The following IGSF21 variants were observed in gnomAD, a reference collection of about 807,000 sequenced individuals.
The protein encoded by IGSF21 is immunoglobin superfamily member 21.
In IGSF21, 28 loss-of-function variants were observed where a neutral mutation model predicts 46.8. The ratio of observed to expected loss-of-function variants is 0.60; its 90% CI spans 0.44 to 0.82. IGSF21 has a LOEUF of 0.82. Among genes scored for constraint, IGSF21 ranks in the 40% least tolerant of loss-of-function variants. The probability of loss-of-function intolerance (pLI) is 0.00; values close to 1 mark genes in which losing one functional copy is unlikely to be tolerated. For synonymous variants in IGSF21, 284 were observed against 273.6 expected, an observed-to-expected ratio of 1.04 and a Z score of -0.38; for missense variants, 624 against 665.5, an observed-to-expected ratio of 0.94 and a Z score of 0.69.
chr1:18,170,921 T>A (rs1048977317), intron 1 of IGSF21, among the ~76,000 whole-genome samples: 3 of 152,064 alleles, frequency 2.0e-5, no homozygotes, highest in African/African-American at 7.2e-5. Context: ...CAGGTGGACT[T>A]AAGAGGGTCA....
intron 2 of IGSF21, among the ~76,000 whole-genome samples, chr1:18,232,397 A>G (rs2084637053): frequency 1.3e-5 from 2 of 152,170 alleles, no homozygotes; most frequent in African/African-American, 4.8e-5. Flanking sequence ...AATGCTGCTT[A>G]TACTAATTTG....
chr1:18,344,392 C>A (rs535072557), intron 4 of IGSF21, among the ~76,000 whole-genome samples: 157 of 152,206 alleles, frequency 1.0e-3, no homozygotes, highest in Non-Finnish European at 1.7e-3. Context: ...CTGGAAGAAC[C>A]TCTTTTGACT....
At chr1:18,230,663 T>A (rs1351422063) in intron 2 of IGSF21, among the ~76,000 whole-genome samples, 1 of 152,060 alleles carries the variant, frequency 6.6e-6, no homozygotes, top group East Asian at 1.9e-4. Context: ...GGGCTCCGTG[T>A]GGCCAGTTTT....
chr1:18,245,304 T>C (rs1258596192), intron 2 of IGSF21, among the ~76,000 whole-genome samples: 1 of 152,238 alleles, frequency 6.6e-6, no homozygotes, highest in Admixed American at 6.5e-5. Flanking sequence ...AATAATCATA[T>C]GGTTTTTCTC....
intron 1 of IGSF21, among the ~76,000 whole-genome samples, chr1:18,213,982 A>G (rs938186409): frequency 1.3e-5 from 2 of 152,200 alleles, no homozygotes; most frequent in Non-Finnish European, 2.9e-5. Context: ...AAAAATGACC[A>G]ACATTAGCTT....
intron 1 of IGSF21, chr1:18,111,996 C>T (rs1242199006): frequency 6.6e-6 from 1 of 152,290 alleles, no homozygotes; most frequent in Non-Finnish European, 1.5e-5. Context: ...AACTTCACTA[C>T]ACTCTGGCAA....
At chr1:18,128,062 A>G (rs1371392585) in intron 1 of IGSF21, among the ~76,000 whole-genome samples, 1 of 152,180 alleles carries the variant, frequency 6.6e-6, no homozygotes, top group Non-Finnish European at 1.5e-5. Context: ...CTTGGATATT[A>G]TTATTATTGT....
chr1:18,377,038 G>T (rs752720789), intron 8 of IGSF21, 46 bp downstream of exon 8: 1 of 1,541,594 alleles, frequency 6.5e-7, no homozygotes, highest in Non-Finnish European at 8.8e-7. Context: ...CACAGGGGCG[G>T]GTCCTGTCTG....
At chr1:18,303,758 G>A (rs936822883) in intron 3 of IGSF21, among the ~76,000 whole-genome samples, 4 of 152,172 alleles carry the variant, frequency 2.6e-5, no homozygotes, top group African/African-American at 4.8e-5. Flanking sequence ...CATTCCCAGG[G>A]CTATGCTAGC....
chr1:18,152,919 G>T (rs889676047), intron 1 of IGSF21, among the ~76,000 whole-genome samples: 1 of 152,180 alleles, frequency 6.6e-6, no homozygotes, highest in African/African-American at 2.4e-5. Flanking sequence ...AATATCCAAG[G>T]CTATCTTATA....
intron 6 of IGSF21, among the ~76,000 whole-genome samples, chr1:18,366,597 A>G (rs770583292): frequency 2.0e-5 from 3 of 152,210 alleles, no homozygotes; most frequent in Non-Finnish European, 4.4e-5. Flanking sequence ...GGGTTCGAGA[A>G]TTCTGAAAGT....
At chr1:18,201,808 T>C (rs998832001) in intron 1 of IGSF21, among the ~76,000 whole-genome samples, 1 of 152,166 alleles carries the variant, frequency 6.6e-6, no homozygotes, top group African/African-American at 2.4e-5. Flanking sequence ...TGATAGAACA[T>C]CCACAAAGTC....
intron 1 of IGSF21, among the ~76,000 whole-genome samples, chr1:18,194,973 G>T (rs1046678114): frequency 1.3e-5 from 2 of 152,322 alleles, no homozygotes; most frequent in African/African-American, 4.8e-5. Context: ...AAGACCTTGT[G>T]CAGGGGAATT....
chr1:18,114,654 A>C (rs576602082), intron 1 of IGSF21: 1 of 152,336 alleles, frequency 6.6e-6, no homozygotes. Flanking sequence ...AAAATGCACA[A>C]AACACTTCCA....
intron 7 of IGSF21, 66 bp downstream of exon 7, chr1:18,376,461 C>T (rs2086281448): frequency 8.9e-7 from 1 of 1,120,788 alleles, no homozygotes; most frequent in Non-Finnish European, 1.4e-6. Flanking sequence ...CCAGCACCAG[C>T]ATTCCTGGCA....
intron 2 of IGSF21, among the ~76,000 whole-genome samples, chr1:18,244,766 T>C (rs1022117981): frequency 6.6e-6 from 1 of 152,204 alleles, no homozygotes; most frequent in Non-Finnish European, 1.5e-5. Flanking sequence ...AGATTTTTTT[T>C]ATTTTGATCT....
At chr1:18,346,480 A>G (rs1299163697) in intron 4 of IGSF21, among the ~76,000 whole-genome samples, 1 of 152,138 alleles carries the variant, frequency 6.6e-6, no homozygotes, top group Non-Finnish European at 1.5e-5. Context: ...CAGAGACGAT[A>G]GGAGCCAACT....
chr1:18,182,094 G>A (rs999655660), intron 1 of IGSF21, among the ~76,000 whole-genome samples: 1 of 151,586 alleles, frequency 6.6e-6, no homozygotes, highest in Non-Finnish European at 1.5e-5. Flanking sequence ...GACAAGTCCT[G>A]AGTGTCCAGC....
At chr1:18,217,808 G>T (rs2084464536) in intron 1 of IGSF21, among the ~76,000 whole-genome samples, 1 of 152,218 alleles carries the variant, frequency 6.6e-6, no homozygotes, top group Admixed American at 6.5e-5. Flanking sequence ...TGCCAAGCCT[G>T]GTTCTCTGTG....
Sources: gnomAD v4.1 joint callset for allele counts (sites outside exome capture counted in the v4.1 genomes callset) on GRCh38, gnomAD v4.1.1 for gene constraint, MANE v1.5 for transcripts, NCBI Gene and HGNC (gene_info 2026-07-23, HGNC 2026-07-21) for gene names.